The following EBNA1BP2 variants were observed in gnomAD, a reference collection of about 807,000 sequenced individuals.
EBNA1BP2 encodes EBNA1 binding protein 2, also known as probable rRNA-processing protein EBP2.
Under a neutral mutation model 43.5 loss-of-function variants are expected in EBNA1BP2, and 36 were observed. The observed-to-expected ratio is 0.83, with a 90% CI of 0.63 to 1.09. The LOEUF (loss-of-function observed/expected upper bound fraction) is 1.09. Among genes scored for constraint, EBNA1BP2 ranks in the 50% least tolerant of loss-of-function variants. The pLI, the probability that EBNA1BP2 is intolerant of heterozygous loss-of-function variation, is 0.00. For missense variants in EBNA1BP2, 332 were observed against 379.1 expected, an observed-to-expected ratio of 0.88 and a Z score of 1.03; for synonymous variants, 127 against 141.3, an observed-to-expected ratio of 0.90 and a Z score of 0.72.
Position 43,164,415 on chromosome 1 carries a change from C to A in EBNA1BP2, c.*28G>T. 6.2e-6 allele frequency: 10 copies of A among 1,613,934 alleles called. No homozygotes were observed. Among genetic ancestry groups the A allele is most frequent in the Non-Finnish European group, 8.5e-6 (10 of 1,179,894 alleles). ...AAATTGCGAGTCTTCATTCCTTTTTCTTGGTTCTTTGTATTCAAAGATGCT... is the reference window on the plus strand; with the variant it reads ...AAATTGCGAGTCTTCATTCCTTTTTATTGGTTCTTTGTATTCAAAGATGCT... On this transcript the variant is annotated 3_prime_UTR_variant, in exon 9 of 9. Coordinates refer to ENST00000236051, the MANE Select transcript of EBNA1BP2 (RefSeq NM_006824.3).
intron 3 of EBNA1BP2, 44 bp downstream of exon 3, chr1:43,171,435 G>A (rs1203066981): frequency 6.4e-7 from 1 of 1,574,372 alleles, no homozygotes; most frequent in East Asian, 2.2e-5. Flanking sequence ...CCACTCTCCT[G>A]CACAAGGATC....
rs1463946359 is a variant in EBNA1BP2 at position 43,170,693 on chromosome 1, A to G, written c.447+63T>C. On this transcript the variant is annotated intron_variant, in intron 4 of 8. Coordinates refer to ENST00000236051, the MANE Select transcript of EBNA1BP2 (RefSeq NM_006824.3). ...TATTGGGCTCATAGCTATCTTTCTA[A>G]GCCAGCTGAATATGCTTAAGTACAA... 8 of 1,560,584 alleles carry G rather than the reference A, an allele frequency of 5.1e-6. No homozygotes were observed. The Admixed American group carries it at 1.6e-4, about 31-fold the overall frequency.
At chr1:43,171,089 T>TA in intron 3 of EBNA1BP2, 1 of 629,022 alleles carries the variant, frequency 1.6e-6, no homozygotes. Flanking sequence ...GGGGTGTTGC[T>TA]AAAAATAGTT....
At chr1:43,172,473 G>C, upstream of EBNA1BP2, 1 of 1,541,870 alleles carries the variant, frequency 6.5e-7, no homozygotes, top group Non-Finnish European at 8.8e-7. Context: ...GGTACCTGGG[G>C]GTCGCCAGAA....
chr1:43,170,642 T>C lies in EBNA1BP2; in HGVS notation c.447+114A>G, dbSNP rs1024883851. The C allele has an allele frequency of 6.2e-6, 9 of 1,447,016 alleles. No individual in the cohort carries two copies. In the African/African-American group the frequency reaches 8.8e-5, roughly 14 times the overall value. The allele number at this position is 1,447,016 out of a possible 1,614,324, so 89.6% of individuals were successfully genotyped here. On this transcript the variant is annotated intron_variant, in intron 4 of 8. Coordinates refer to ENST00000236051, the MANE Select transcript of EBNA1BP2 (RefSeq NM_006824.3). ...AGCCAATCTATGGAAGAGGTAATAA[T>C]TGTCCTCTGACAACTGGCTCCCCGT...
At chr1:43,168,201 T>C (rs1644931116) in intron 5 of EBNA1BP2, among the ~76,000 whole-genome samples, 1 of 152,228 alleles carries the variant, frequency 6.6e-6, no homozygotes, top group Admixed American at 6.5e-5. Context: ...TGAGAATGTA[T>C]CAGTGAAATG....
chr1:43,169,121 C>T, intron 4 of EBNA1BP2, 93 bp from the exon 5 acceptor site: 1 of 1,306,144 alleles, frequency 7.7e-7, no homozygotes, highest in Non-Finnish European at 1.1e-6. Flanking sequence ...ATTCCCTGTT[C>T]TTTAAACTGC....
chr1:43,164,519 G>C, intron 8 of EBNA1BP2, 26 bp from the exon 9 acceptor site: 1 of 1,614,042 alleles, frequency 6.2e-7, no homozygotes, highest in Non-Finnish European at 8.5e-7. Flanking sequence ...TACCACATCT[G>C]GTCACATAGC....
In EBNA1BP2 at chr1:43,171,398, T is replaced by C. The variant is rs539456520; in HGVS notation, c.323+81A>G. On this transcript the variant is annotated intron_variant, in intron 3 of 8. Transcript: ENST00000236051. ...TCTCTACTCCTAGGCTTATTCTGAG[T>C]GCAGACTTACTAATTTCCCCTCTTT... The C allele has an allele frequency of 6.6e-6, 10 of 1,517,880 alleles. No homozygotes were observed. In the African/African-American group the frequency reaches 1.4e-4, roughly 21 times the overall value. 94.0% of individuals were successfully genotyped at this position (1,517,880 alleles called of 1,614,324 possible).
chr1:43,167,124 C>T, intron 6 of EBNA1BP2, 36 bp downstream of exon 6: 1 of 1,600,038 alleles, frequency 6.2e-7, no homozygotes, highest in Non-Finnish European at 8.6e-7. Flanking sequence ...TCTAAAGTAC[C>T]TGCTACCCTC....
At position 43,171,460 on chromosome 1, in the gene EBNA1BP2, C is replaced by T; in HGVS notation, c.323+19G>A. On this transcript the variant is annotated intron_variant, in intron 3 of 8. Coordinates refer to ENST00000236051, the MANE Select transcript of EBNA1BP2 (RefSeq NM_006824.3). ...GCACAAGGATCCTCAACTTCTCCAACATTTGAAAACAAACATACAAACTCA... is the reference window on the plus strand; with the variant it reads ...GCACAAGGATCCTCAACTTCTCCAATATTTGAAAACAAACATACAAACTCA... The T allele has an allele frequency of 6.3e-7, 1 of 1,592,826 alleles. No individual in the cohort carries two copies. The highest frequency in any genetic ancestry group is 1.8e-5 in the Admixed American group (1 of 56,632).
rs1343816325 is a variant in EBNA1BP2 at position 43,172,069 on chromosome 1, AG to A, written c.49del (p.Val18SerfsTer15). ...GACACCTACCTCTCTGTCTGTGACAAGGGATTCATCGGATTCCGACTCCGAA... is the reference window on the plus strand; with the variant it reads ...GACACCTACCTCTCTGTCTGTGACAAGGATTCATCGGATTCCGACTCCGAA... ...SDSESESDES[L>X]VTDRELQDAF... On this transcript the variant is annotated frameshift_variant, in exon 1 of 9. Coordinates refer to ENST00000236051, the MANE Select transcript of EBNA1BP2 (RefSeq NM_006824.3). LOFTEE classifies it high-confidence loss of function. 5 of 1,614,172 alleles carry A rather than the reference AG, an allele frequency of 3.1e-6. No individual in the cohort carries two copies. The highest frequency in any genetic ancestry group is 4.2e-6 in the Non-Finnish European group (5 of 1,180,046).
Position 43,170,851 on chromosome 1 carries a change from C to T in EBNA1BP2, c.352G>A (p.Ala118Thr). The change falls in exon 4 of 9, where the codon GCA (alanine) becomes ACA (threonine). Residue 118 changes from alanine to threonine, a missense_variant. Ala to Thr is a moderately conservative substitution (Grantham distance 58, BLOSUM62 0). Transcript: ENST00000236051. ...FYRQAQAAVLAVLPRLHQLKV... is the reference protein window; with the variant it reads ...FYRQAQAAVLTVLPRLHQLKV... ...AGCTGATGGAGGCGGGGTAAGACTG[C>T]AAGCACTGCGGCCTGGGCTTGGCGA... is the stretch of plus-strand genomic sequence containing the variant. 6.3e-7 allele frequency: 1 copy of T among 1,596,434 alleles called. No homozygotes were observed. Among genetic ancestry groups the T allele is most frequent in the Non-Finnish European group, 8.5e-7 (1 of 1,173,302 alleles).
chr1:43,171,607 T>C lies in EBNA1BP2; in HGVS notation c.195A>G (p.Glu65=), dbSNP rs544292780. Residue 65 remains glutamate, a synonymous_variant, in exon 3 of 9, where the codon GAA becomes GAG. Coordinates refer to ENST00000236051, the MANE Select transcript of EBNA1BP2 (RefSeq NM_006824.3). ...QCLAEFKRDL[E]WVERLDVTLG... ...GTGTCACATCGAGCCTTTCAACCCA[T>C]TCCAGATCCCGCTTGAATTCTGCCA... The C allele has an allele frequency of 6.2e-7, 1 of 1,614,146 alleles. No individual in the cohort carries two copies. The highest frequency in any genetic ancestry group is 1.7e-5 in the Admixed American group (1 of 60,004).
At chr1:43,164,174 T>C, downstream of EBNA1BP2, 1 of 466,072 alleles carries the variant, frequency 2.1e-6, no homozygotes, top group Non-Finnish European at 3.9e-6. Context: ...ACAAAGGAAA[T>C]GAGAAGGTGT....
In EBNA1BP2 at chr1:43,167,753, C is replaced by A. The variant is rs149997878; in HGVS notation, c.538-518G>T. 3.5e-3 allele frequency among the ~76,000 whole-genome samples: 533 copies of A among 152,320 alleles called. 3 individuals are homozygous for A. The highest frequency in any genetic ancestry group is 0.011 in the African/African-American group (461 of 41,556). On this transcript the variant is annotated intron_variant, in intron 5 of 8. Transcript: ENST00000236051. ...AAAGTTTGAAGGATAAAAGGAGACA[C>A]TTTATAATACTCTAACAGAGGGTTT...
At chr1:43,168,155 T>C (rs919874290) in intron 5 of EBNA1BP2, among the ~76,000 whole-genome samples, 1 of 152,224 alleles carries the variant, frequency 6.6e-6, no homozygotes, top group African/African-American at 2.4e-5. Flanking sequence ...GCAGGCCTTT[T>C]GTAGAGGACA....
chr1:43,164,453 C>T lies in EBNA1BP2; in HGVS notation c.911G>A (p.Arg304Lys), dbSNP rs1311848685. The T allele has an allele frequency of 2.5e-6, 4 of 1,613,980 alleles. No individual in the cohort carries two copies. In the Admixed American group the frequency reaches 6.7e-5, roughly 27 times the overall value. ...ATTCAAAGATGCTATTTAGTGTGTT[C>T]TGTTCTTCATCTTCTCTCTTGTTCG... The part of the protein sequence containing the change: ...GKRTREKMKN[R>K]TH The change falls in exon 9 of 9, where the codon AGA (arginine) becomes AAA (lysine). Residue 304 changes from arginine (R) to lysine (K), a missense_variant. Physicochemically the swap from Arg to Lys is conservative, Grantham distance 26. Coordinates refer to ENST00000236051, the MANE Select transcript of EBNA1BP2 (RefSeq NM_006824.3).
Position 43,171,888 on chromosome 1 carries a change from C to A in EBNA1BP2, c.148G>T (p.Val50Leu). The A allele has an allele frequency of 6.2e-7, 1 of 1,613,958 alleles. No homozygotes were observed. Among genetic ancestry groups the A allele is most frequent in the Non-Finnish European group, 8.5e-7 (1 of 1,179,890 alleles). ...CCCGACCCTGTGCCCACGCTCACCA[C>A]GTCGTTCACGGCCTTCTTCGGCCCC... ...LEGPKKAVND[V>L]NGLKQCLAEF... The change falls in exon 2 of 9, where the codon GTG becomes TTG. Residue 50 changes from valine to leucine, a missense_variant and splice_region_variant. Transcript: ENST00000236051.
Sources: gnomAD v4.1 joint callset for allele counts (sites outside exome capture counted in the v4.1 genomes callset) on GRCh38, gnomAD v4.1.1 for gene constraint, MANE v1.5 for transcripts, NCBI Gene and HGNC (gene_info 2026-07-23, HGNC 2026-07-21) for gene names.